The following NAA20 variants were observed in gnomAD, a reference collection of about 807,000 sequenced individuals.
The protein encoded by NAA20 is N-alpha-acetyltransferase 20.
A neutral mutation model predicts 23.8 loss-of-function variants in NAA20; 24 were observed. That is an observed-to-expected ratio of 1.01 (90% CI 0.73 to 1.42). The LOEUF (loss-of-function observed/expected upper bound fraction) is 1.42, where lower values mean the gene tolerates loss of function less well. Among genes scored for constraint, NAA20 ranks in the 40% most tolerant of loss-of-function variants. The pLI, the probability that NAA20 is intolerant of heterozygous loss-of-function variation, is 0.00. For missense variants in NAA20, 166 were observed against 223.1 expected (o/e 0.74, Z 1.63); for synonymous variants, 83 against 77.7 (o/e 1.07, Z -0.36).
At chr20:20,030,450 A>G (rs6035526) in intron 4 of NAA20, among the ~76,000 whole-genome samples, 10,288 of 152,270 alleles carry the variant, frequency 0.068, 392 homozygotes, top group East Asian at 0.11. Context: ...AATTTGTAGT[A>G]AATATATTTA....
At chr20:20,024,005 T>A (rs2043289966) in intron 2 of NAA20, among the ~76,000 whole-genome samples, 1 of 152,358 alleles carries the variant, frequency 6.6e-6, no homozygotes, top group Non-Finnish European at 1.5e-5. Context: ...ACTGCCTGTT[T>A]TTGTAAATAA....
intron 2 of NAA20, among the ~76,000 whole-genome samples, chr20:20,024,495 T>C (rs185835929): frequency 1.3e-5 from 2 of 151,272 alleles, no homozygotes; most frequent in Admixed American, 6.6e-5. Flanking sequence ...ACTAATGATA[T>C]CACCACTTTT....
intron 2 of NAA20, among the ~76,000 whole-genome samples, chr20:20,023,201 C>T (rs1285279934): frequency 6.6e-6 from 1 of 151,872 alleles, no homozygotes; most frequent in Non-Finnish European, 1.5e-5. Context: ...GCAGGAGAAT[C>T]GCTTGAACCA....
intron 3 of NAA20, 41 bp from the exon 4 acceptor site, chr20:20,026,743 A>C (rs376768599): frequency 4.4e-6 from 7 of 1,607,956 alleles, no homozygotes; most frequent in Admixed American, 3.4e-5. Flanking sequence ...TGTGTAAATC[A>C]ATGTCTAGTT....
chr20:20,029,333 A>C (rs1385454877), intron 4 of NAA20, among the ~76,000 whole-genome samples: 3 of 152,118 alleles, frequency 2.0e-5, no homozygotes, highest in African/African-American at 7.2e-5. Context: ...AGGAAGTAAC[A>C]AGTCTGGGAG....
In NAA20 at chr20:20,017,787, G is replaced by GCGGCCTGGAGCCCA. The variant is rs1193338357; in HGVS notation, c.53+341_53+354dup. 1.4e-5 allele frequency: 20 copies of GCGGCCTGGAGCCCA among 1,439,626 alleles called. No homozygotes were observed. The African/African-American group carries it at 2.3e-4, about 16-fold the overall frequency. 89.2% of individuals were successfully genotyped at this position (1,439,626 alleles called of 1,614,324 possible). A position where few individuals can be genotyped will look rare whatever the true frequency, so the allele number is the denominator to read the frequency against. ...TGGGGTGATGGGGCGAGCTGGAGACGCGGCCTGGAGCCCACGACCTGGGCT... is the reference window on the plus strand; with the variant it reads ...TGGGGTGATGGGGCGAGCTGGAGACGCGGCCTGGAGCCCACGGCCTGGAGCCCACGACCTGGGCT... On this transcript the variant is annotated intron_variant, in intron 1 of 5. Coordinates refer to ENST00000334982, the MANE Select transcript of NAA20 (RefSeq NM_016100.5).
intron 4 of NAA20, among the ~76,000 whole-genome samples, chr20:20,032,194 C>A (rs2043348473): frequency 6.6e-6 from 1 of 151,864 alleles, no homozygotes; most frequent in African/African-American, 2.4e-5. Flanking sequence ...ATATAAACTT[C>A]ATAAACAGGA....
At chr20:20,028,631 T>C (rs1010749589) in intron 4 of NAA20, among the ~76,000 whole-genome samples, 2 of 152,196 alleles carry the variant, frequency 1.3e-5, no homozygotes, top group Non-Finnish European at 2.9e-5. Flanking sequence ...TTAGACTAGT[T>C]GCTAAGATTT....
chr20:20,030,968 T>A (rs1402032638), intron 4 of NAA20, among the ~76,000 whole-genome samples: 2 of 152,180 alleles, frequency 1.3e-5, no homozygotes, highest in African/African-American at 4.8e-5. Context: ...TAAAAAACTT[T>A]TTTGAGAGAT....
Position 20,025,752 on chromosome 20 carries a change from GAATT to G in NAA20, c.158_161del (p.Leu53TrpfsTer12). The G allele has an allele frequency of 6.2e-7, 1 of 1,601,224 alleles. No individual in the cohort carries two copies. The highest frequency in any genetic ancestry group is 1.1e-5 in the South Asian group (1 of 90,788). On this transcript the variant is annotated frameshift_variant, in exon 3 of 6. Coordinates refer to ENST00000334982, the MANE Select transcript of NAA20 (RefSeq NM_016100.5). LOFTEE classifies it high-confidence loss of function. ...CATTGTTGCAGAGGCACCTGGTGGA[GAATT>G]AATGGGTTATAGTAAGTATAATACC...
intron 4 of NAA20, among the ~76,000 whole-genome samples, chr20:20,029,168 A>G (rs2043325884): frequency 3.3e-5 from 5 of 152,230 alleles, no homozygotes; most frequent in Admixed American, 3.3e-4. Flanking sequence ...ATATATTAAA[A>G]TATTTTTAAT....
Position 20,017,371 on chromosome 20 carries a change from C to A in NAA20, c.-26C>A, listed in dbSNP as rs577903980. 2.0e-5 allele frequency: 32 copies of A among 1,610,642 alleles called. No individual in the cohort carries two copies. The highest frequency in any genetic ancestry group is 1.3e-4 in the African/African-American group (10 of 74,814). ...AGGGCGGGCGCGGGGTCTTGGCGAA[C>A]GGTCTTCGGAAGCGGCGGCGGCGCG... On this transcript the variant is annotated 5_prime_UTR_variant, in exon 1 of 6. Coordinates refer to ENST00000334982, the MANE Select transcript of NAA20 (RefSeq NM_016100.5).
At chr20:20,022,743 A>G (rs751445533) in intron 2 of NAA20, 3 of 376,304 alleles carry the variant, frequency 8.0e-6, no homozygotes, top group Non-Finnish European at 1.4e-5. Flanking sequence ...CTCAGGAGTC[A>G]GCATGGCTGT....
At chr20:20,028,207 A>G (rs1174650609) in intron 4 of NAA20, among the ~76,000 whole-genome samples, 1 of 152,200 alleles carries the variant, frequency 6.6e-6, no homozygotes, top group African/African-American at 2.4e-5. Flanking sequence ...GTTTACACAC[A>G]TTTATTAATG....
At chr20:20,017,316 G>C (rs1485128702), upstream of NAA20, 6 of 1,578,508 alleles carry the variant, frequency 3.8e-6, no homozygotes, top group Non-Finnish European at 5.2e-6. Context: ...GCTCGGTTCC[G>C]CGGCGGCCAC....
rs1014038699 is a variant in NAA20, at chr20:20,026,166, G to A, written c.169+399G>A. 1.1e-4 allele frequency among the ~76,000 whole-genome samples: 17 copies of A among 152,226 alleles called. No individual in the cohort carries two copies. The East Asian group carries it at 1.2e-3, about 10-fold the overall frequency. Reference sequence around the variant, plus strand: ...TAAAAATACAAAAAATTAGCTGGGCGTGGTATCGCGTGCCTATAATCCCAG... The same window carrying A: ...TAAAAATACAAAAAATTAGCTGGGCATGGTATCGCGTGCCTATAATCCCAG... On this transcript the variant is annotated intron_variant, in intron 3 of 5. Coordinates refer to ENST00000334982, the MANE Select transcript of NAA20 (RefSeq NM_016100.5).
chr20:20,022,800 C>T (rs1353125998), intron 2 of NAA20: 2 of 260,566 alleles, frequency 7.7e-6, no homozygotes, highest in Admixed American at 1.1e-4. Context: ...TGCATAGTCT[C>T]CAGTGTGAAC....
intron 3 of NAA20, among the ~76,000 whole-genome samples, 166 bp downstream of exon 3, chr20:20,025,933 C>T (rs575734128): frequency 9.9e-5 from 15 of 152,210 alleles, no homozygotes; most frequent in African/African-American, 3.4e-4. Context: ...CTGTGCTAGG[C>T]CCAGGCGATA....
At chr20:20,028,563 C>T (rs2043321988) in intron 4 of NAA20, among the ~76,000 whole-genome samples, 1 of 152,080 alleles carries the variant, frequency 6.6e-6, no homozygotes, top group African/African-American at 2.4e-5. Context: ...ATAGATTCTC[C>T]CTCTGAGTAG....
Sources: gnomAD v4.1 joint callset for allele counts (sites outside exome capture counted in the v4.1 genomes callset) on GRCh38, gnomAD v4.1.1 for gene constraint, MANE v1.5 for transcripts, NCBI Gene and HGNC (gene_info 2026-07-23, HGNC 2026-07-21) for gene names.